Variants in RGCC observed in about 807,000 individuals in gnomAD.
RGCC encodes regulator of cell cycle, also known as regulator of cell cycle RGCC.
In RGCC, 15 loss-of-function variants were observed where a neutral mutation model predicts 15.4. That is an observed-to-expected ratio of 0.97 (90% confidence interval 0.65 to 1.50). The LOEUF is 1.50. Ranked by LOEUF, RGCC falls within the 40% of genes most tolerant of loss-of-function variation. RGCC has a pLI of 0.00. For missense variants in RGCC, 176 were observed against 189.7 expected (o/e 0.93, Z 0.42); for synonymous variants, 81 against 78.0 (o/e 1.04, Z -0.20).
At chr13:41,466,098 A>G (rs1043884853) in intron 2 of RGCC, among the ~76,000 whole-genome samples, 5 of 150,842 alleles carry the variant, frequency 3.3e-5, no homozygotes, top group Non-Finnish European at 7.4e-5. Context: ...ACACTCTCAC[A>G]CTCACATGCT....
At chr13:41,465,967 A>G (rs966972393) in intron 2 of RGCC, among the ~76,000 whole-genome samples, 5 of 151,992 alleles carry the variant, frequency 3.3e-5, no homozygotes, top group Non-Finnish European at 7.4e-5. Context: ...CCTTACCCCC[A>G]CACTCCCACC....
Position 41,457,556 on chromosome 13 carries a change from G to T in RGCC, c.-152G>T. On this transcript the variant is annotated 5_prime_UTR_variant, in exon 1 of 5. Transcript: ENST00000379359. This position sits in a 1 kb window ranked among gnomAD's most constrained non-coding sequence, Gnocchi z 4.9. The stretch of plus-strand genomic sequence containing the variant: ...AGGAACCCGAGCCGGTGGTAGGGCG[G>T]GCGCGGACCGTGCTGGGAGCGGCGC... 7.7e-7 allele frequency: 1 copy of T among 1,306,286 alleles called. No homozygotes were observed. 80.9% of individuals were successfully genotyped at this position (1,306,286 alleles called of 1,614,324 possible).
intron 3 of RGCC, among the ~76,000 whole-genome samples, chr13:41,467,875 A>T (rs1256314515): frequency 1.3e-5 from 2 of 152,188 alleles, no homozygotes; most frequent in Non-Finnish European, 1.5e-5. Flanking sequence ...GATCCTCAAG[A>T]GGTAGGAATT....
intron 2 of RGCC, among the ~76,000 whole-genome samples, chr13:41,462,079 G>A (rs2043824398): frequency 6.6e-6 from 1 of 152,330 alleles, no homozygotes; most frequent in South Asian, 2.1e-4. Flanking sequence ...AGGAGGAGAA[G>A]TCAACCCACA....
chr13:41,469,218 G>A (rs146607922), intron 4 of RGCC, among the ~76,000 whole-genome samples: 4,915 of 151,530 alleles, frequency 0.032, 112 homozygotes, highest in South Asian at 0.076. Flanking sequence ...CCGAGATTGC[G>A]CCACTGTACT....
At position 41,457,551 on chromosome 13, in the gene RGCC, G is replaced by A. The variant is rs2139570960; in HGVS notation, c.-157G>A. 2.4e-6 allele frequency: 3 copies of A among 1,261,736 alleles called. No individual in the cohort carries two copies. Among genetic ancestry groups the A allele is most frequent in the Middle Eastern group, 5.9e-4 (2 of 3,418 alleles). 78.2% of individuals were successfully genotyped at this position (1,261,736 alleles called of 1,614,324 possible). On this transcript the variant is annotated 5_prime_UTR_variant, in exon 1 of 5. Coordinates refer to ENST00000379359, the MANE Select transcript of RGCC (RefSeq NM_014059.3). The surrounding 1 kb of genome is among the most constrained non-coding windows in gnomAD (Gnocchi z 4.9). ...GATCTAGGAACCCGAGCCGGTGGTA[G>A]GGCGGGCGCGGACCGTGCTGGGAGC...
intron 2 of RGCC, among the ~76,000 whole-genome samples, chr13:41,461,556 C>T (rs2043821120): frequency 6.6e-6 from 1 of 152,082 alleles, no homozygotes; most frequent in Admixed American, 6.6e-5. Context: ...TGCACTTATA[C>T]CTTTAAGGTA....
At chr13:41,469,286 T>TAAG (rs1195617232) in intron 4 of RGCC, among the ~76,000 whole-genome samples, 133 of 113,982 alleles carry the variant, frequency 1.2e-3, no homozygotes, top group East Asian at 9.9e-3. Context: ...ATAATAATAA[T>TAAG]AATAATAATA....
chr13:41,468,033 A>G (rs953126814), intron 3 of RGCC, among the ~76,000 whole-genome samples: 1 of 152,204 alleles, frequency 6.6e-6, no homozygotes, highest in Admixed American at 6.5e-5. Flanking sequence ...CTACAAAAAT[A>G]AAGTCAGCTA....
At position 41,457,815 on chromosome 13, in the gene RGCC, A is replaced by C; in HGVS notation, c.49+59A>C. ...CGGCTCTGCAGATGGCGGGTGAGAA[A>C]GGAGGGGCCCCGTGTCGTCCCTTCA... is the stretch of plus-strand genomic sequence containing the variant. On this transcript the variant is annotated intron_variant, in intron 1 of 4. Transcript: ENST00000379359. This position sits in a 1 kb window ranked among gnomAD's most constrained non-coding sequence, Gnocchi z 4.9. 1 of 1,356,346 alleles carries C rather than the reference A, an allele frequency of 7.4e-7. No individual in the cohort carries two copies. Among genetic ancestry groups the C allele is most frequent in the Non-Finnish European group, 9.5e-7 (1 of 1,055,240 alleles). 84.0% of individuals were successfully genotyped at this position (1,356,346 alleles called of 1,614,324 possible). A position where few individuals can be genotyped will look rare whatever the true frequency, so the allele number is the denominator to read the frequency against.
chr13:41,469,836 C>G (rs947979115), intron 4 of RGCC, among the ~76,000 whole-genome samples: 5 of 151,984 alleles, frequency 3.3e-5, no homozygotes, highest in African/African-American at 1.2e-4. Context: ...AGAAGGGACC[C>G]TCACAATCTA....
At chr13:41,469,273 A>ATAG (rs2043863251) in intron 4 of RGCC, among the ~76,000 whole-genome samples, 2 of 95,094 alleles carry the variant, frequency 2.1e-5, no homozygotes, top group African/African-American at 8.0e-5. Flanking sequence ...AGTAATAATA[A>ATAG]TAATAATAAT....
At chr13:41,467,406 G>C (rs759693310) in intron 3 of RGCC, among the ~76,000 whole-genome samples, 10 of 152,210 alleles carry the variant, frequency 6.6e-5, no homozygotes, top group Non-Finnish European at 4.4e-5. Context: ...GATCTAACAT[G>C]ATTTAAAATA....
rs1233340751 is a variant in RGCC, at chr13:41,470,696, G to C, written c.*211G>C. On this transcript the variant is annotated 3_prime_UTR_variant, in exon 5 of 5. Transcript: ENST00000379359. ...TGAAACTGACTTTGTTTACCTGCTT[G>C]CAGCATATTAGAACAGACGATCCAT... 1.7e-6 allele frequency: 1 copy of C among 580,552 alleles called. No individual in the cohort carries two copies. Among genetic ancestry groups the C allele is most frequent in the Non-Finnish European group, 3.1e-6 (1 of 325,578 alleles). The allele number at this position is 580,552 out of a possible 1,614,324, so 36.0% of individuals were successfully genotyped here. A position where few individuals can be genotyped will look rare whatever the true frequency, so the allele number is the denominator to read the frequency against.
Position 41,466,156 on chromosome 13 carries a change from C to T in RGCC, c.236-667C>T, listed in dbSNP as rs561035662. On this transcript the variant is annotated intron_variant, in intron 2 of 4. Transcript: ENST00000379359. The stretch of plus-strand genomic sequence containing the variant: ...CTCACACACACTCCACACTCACACA[C>T]GCACACACTCTCACACACTTTCTCA... Among the ~76,000 whole-genome samples, 6 of 140,930 alleles carry T rather than the reference C, an allele frequency of 4.3e-5. No individual in the cohort carries two copies. In the South Asian group the frequency reaches 1.0e-3, roughly 23 times the overall value. 92.5% of individuals were successfully genotyped at this position (140,930 alleles called of 152,430 possible).
intron 2 of RGCC, among the ~76,000 whole-genome samples, chr13:41,465,790 CTT>C (rs781006212): frequency 6.6e-6 from 1 of 152,174 alleles, no homozygotes; most frequent in South Asian, 2.1e-4. Context: ...GAAAACCTCT[CTT>C]AAGTAAAAGA....
intron 2 of RGCC, among the ~76,000 whole-genome samples, chr13:41,466,459 G>T (rs887698980): frequency 6.6e-6 from 1 of 152,056 alleles, no homozygotes; most frequent in Non-Finnish European, 1.5e-5. Context: ...TGTGATCTTG[G>T]CTCACTGCAA....
chr13:41,470,019 G>A (rs913441067), intron 4 of RGCC, among the ~76,000 whole-genome samples: 1 of 152,194 alleles, frequency 6.6e-6, no homozygotes, highest in Non-Finnish European at 1.5e-5. Context: ...TTGATTTTCT[G>A]TGAGAAGTAT....
At chr13:41,459,305 T>G (rs544144696) in intron 2 of RGCC, among the ~76,000 whole-genome samples, 2 of 152,336 alleles carry the variant, frequency 1.3e-5, no homozygotes, top group South Asian at 4.1e-4. Flanking sequence ...AATCCAGAAT[T>G]GCTTATTGTT....
Sources: allele counts gnomAD v4.1 joint callset (sites outside exome capture counted in the v4.1 genomes callset), GRCh38; gene constraint gnomAD v4.1.1; non-coding constraint Gnocchi (gnomAD v3.1); transcripts MANE v1.5; gene names NCBI Gene and HGNC (gene_info 2026-07-23, HGNC 2026-07-21).